CDH20: variants seen among roughly 807,000 people sequenced by gnomAD.
The protein encoded by CDH20 is cadherin-20.
In CDH20, 29 loss-of-function variants were observed where a neutral mutation model predicts 74.2. That is an observed-to-expected ratio of 0.39 (90% confidence interval 0.29 to 0.53). The LOEUF (loss-of-function observed/expected upper bound fraction) is 0.53. Among genes scored for constraint, CDH20 ranks in the 20% least tolerant of loss-of-function variants. The pLI is 0.69. For missense variants in CDH20, 988 were observed against 1,048.3 expected, an observed-to-expected ratio of 0.94 and a Z score of 0.79; for synonymous variants, 469 against 405.4, an observed-to-expected ratio of 1.16 and a Z score of -1.88.
chr18:61,434,826 C>T (rs1290604432), intron 1 of CDH20, among the ~76,000 whole-genome samples: 1 of 151,938 alleles, frequency 6.6e-6, no homozygotes, highest in Non-Finnish European at 1.5e-5. Flanking sequence ...ACATTTTGAC[C>T]CATAAAGTGA....
At chr18:61,347,345 C>G (rs1476395912) in intron 1 of CDH20, among the ~76,000 whole-genome samples, 1 of 139,084 alleles carries the variant, frequency 7.2e-6, no homozygotes, top group African/African-American at 2.9e-5. Flanking sequence ...CACACACACA[C>G]ACACACATAT....
chr18:61,392,441 C>T (rs566554765), intron 1 of CDH20, among the ~76,000 whole-genome samples: 306 of 152,250 alleles, frequency 2.0e-3, no homozygotes, highest in Middle Eastern at 3.4e-3. Flanking sequence ...GTTGAAGTAT[C>T]CACAGGGAGT....
At chr18:61,362,117 G>A (rs1234589972) in intron 1 of CDH20, among the ~76,000 whole-genome samples, 1 of 152,116 alleles carries the variant, frequency 6.6e-6, no homozygotes, top group South Asian at 2.1e-4. Context: ...TCCAAGAAAC[G>A]ATTTTCCTAT....
chr18:61,544,908 T>C, intron 9 of CDH20, 119 bp from the exon 10 acceptor site: 1 of 706,968 alleles, frequency 1.4e-6, no homozygotes, highest in South Asian at 1.6e-5. Context: ...CCCATACCAA[T>C]GATATCCTTC....
At chr18:61,423,995 C>T (rs989694416) in intron 1 of CDH20, among the ~76,000 whole-genome samples, 4 of 152,134 alleles carry the variant, frequency 2.6e-5, no homozygotes, top group Admixed American at 6.5e-5. Flanking sequence ...TCGCTTCCTA[C>T]GCTCATCAAA....
intron 1 of CDH20, among the ~76,000 whole-genome samples, chr18:61,427,387 A>G (rs1913107785): frequency 6.6e-6 from 1 of 152,142 alleles, no homozygotes; most frequent in Non-Finnish European, 1.5e-5. Flanking sequence ...TCATTTGCCC[A>G]AGGTCACCCA....
chr18:61,432,202 C>A (rs184439323), intron 1 of CDH20, among the ~76,000 whole-genome samples: 1 of 149,488 alleles, frequency 6.7e-6, no homozygotes, highest in East Asian at 2.0e-4. Flanking sequence ...TGAGACCATG[C>A]CATTGCACTC....
intron 6 of CDH20, among the ~76,000 whole-genome samples, chr18:61,519,807 A>G (rs1267596978): frequency 6.6e-6 from 1 of 151,074 alleles, no homozygotes; most frequent in Non-Finnish European, 1.5e-5. Context: ...AAATGCCCCA[A>G]TTAAAAGACA....
At chr18:61,533,214 G>A (rs1372022435) in intron 7 of CDH20, among the ~76,000 whole-genome samples, 11 of 152,154 alleles carry the variant, frequency 7.2e-5, no homozygotes, top group African/African-American at 1.7e-4. Context: ...AGGCTGAGGC[G>A]GAAGGATCAC....
rs549100475 is a variant in CDH20, at chr18:61,340,142, A to C, written c.-153+6315A>C. Reference sequence around the variant, plus strand: ...GTTCCTGCACCTGGTTTATAACTAAAATAAGCAATGTTAACCTTCCACCCA... The same window carrying C: ...GTTCCTGCACCTGGTTTATAACTAACATAAGCAATGTTAACCTTCCACCCA... On this transcript the variant is annotated intron_variant, in intron 1 of 11. Coordinates refer to ENST00000262717, the MANE Select transcript of CDH20 (RefSeq NM_031891.4). 2.0e-5 allele frequency among the ~76,000 whole-genome samples: 3 copies of C among 152,144 alleles called. No individual in the cohort carries two copies. In the South Asian group the frequency reaches 6.2e-4, roughly 32 times the overall value.
At chr18:61,464,636 A>G (rs1457477337) in intron 1 of CDH20, among the ~76,000 whole-genome samples, 1 of 152,210 alleles carries the variant, frequency 6.6e-6, no homozygotes, top group African/African-American at 2.4e-5. Flanking sequence ...GTTCCCTGCC[A>G]AAACTATCCT....
intron 1 of CDH20, among the ~76,000 whole-genome samples, chr18:61,400,046 A>G (rs569510947): frequency 1.1e-4 from 16 of 152,286 alleles, no homozygotes; most frequent in South Asian, 2.1e-4. Context: ...ATATAAGCCT[A>G]TTGAGAACAG....
intron 1 of CDH20, among the ~76,000 whole-genome samples, chr18:61,373,978 C>T (rs1424934289): frequency 7.9e-5 from 12 of 152,094 alleles, no homozygotes; most frequent in East Asian, 3.9e-4. Context: ...TTGTCTTCGA[C>T]GCTTTGTCAG....
chr18:61,453,686 C>G (rs1048729412), intron 1 of CDH20, among the ~76,000 whole-genome samples: 3 of 152,082 alleles, frequency 2.0e-5, no homozygotes, highest in Non-Finnish European at 2.9e-5. Context: ...TGGAGGTGCC[C>G]CAATGTGTTT....
chr18:61,336,823 G>GGC (rs1555668888), intron 1 of CDH20, among the ~76,000 whole-genome samples: 1 of 150,846 alleles, frequency 6.6e-6, no homozygotes, highest in Non-Finnish European at 1.5e-5. Flanking sequence ...TATATGGGGG[G>GGC]GGGTGATGAG....
At chr18:61,461,348 AC>A (rs773858915) in intron 1 of CDH20, among the ~76,000 whole-genome samples, 12,347 of 141,278 alleles carry the variant, frequency 0.087, 561 homozygotes, top group Middle Eastern at 0.17. Context: ...AAAAAAAAAA[AC>A]CAGAAATTTA....
chr18:61,428,255 A>T (rs1360152036), intron 1 of CDH20, among the ~76,000 whole-genome samples: 2 of 152,160 alleles, frequency 1.3e-5, no homozygotes, highest in Non-Finnish European at 2.9e-5. Flanking sequence ...GCAATCAAGT[A>T]AGAGATCCCT....
chr18:61,362,273 T>C (rs748121672), intron 1 of CDH20, among the ~76,000 whole-genome samples: 6 of 152,288 alleles, frequency 3.9e-5, no homozygotes, highest in Non-Finnish European at 8.8e-5. Context: ...TATATGTGAG[T>C]AACCCACATA....
chr18:61,384,756 A>G (rs893865823), intron 1 of CDH20, among the ~76,000 whole-genome samples: 4 of 152,196 alleles, frequency 2.6e-5, no homozygotes, highest in Non-Finnish European at 5.9e-5. Context: ...TTTACCTTTA[A>G]AAAAACTAAA....
Sources: allele counts gnomAD v4.1 joint callset (sites outside exome capture counted in the v4.1 genomes callset), GRCh38; gene constraint gnomAD v4.1.1; transcripts MANE v1.5; gene names NCBI Gene and HGNC (gene_info 2026-07-23, HGNC 2026-07-21).